CNIH3: variants seen among roughly 807,000 people sequenced by gnomAD.
CNIH3 encodes protein cornichon homolog 3.
CNIH3 carries 14 observed loss-of-function variants against 24.1 expected under a neutral mutation model. The ratio of observed to expected loss-of-function variants is 0.58; its 90% CI spans 0.38 to 0.91. The LOEUF is 0.91. Among genes scored for constraint, CNIH3 ranks in the 40% least tolerant of loss-of-function variants. The pLI is 0.00. For synonymous variants in CNIH3, 68 were observed against 73.8 expected, an observed-to-expected ratio of 0.92 and a Z score of 0.40; for missense variants, 178 against 196.8, an observed-to-expected ratio of 0.90 and a Z score of 0.57.
chr1:224,650,440 AT>A (rs1684809079), intron 1 of CNIH3, among the ~76,000 whole-genome samples: 1 of 152,218 alleles, frequency 6.6e-6, no homozygotes, highest in Non-Finnish European at 1.5e-5. Context: ...GGAGGCCAAC[AT>A]GCAAATTTAT....
At chr1:224,527,955 A>C (rs1678910165) in intron 2 of CNIH3, among the ~76,000 whole-genome samples, 1 of 152,252 alleles carries the variant, frequency 6.6e-6, no homozygotes. Context: ...ATGTACACAC[A>C]CATAAGAGTT....
intron 3 of CNIH3, among the ~76,000 whole-genome samples, chr1:224,553,235 C>T (rs1410544183): frequency 2.0e-5 from 3 of 149,784 alleles, no homozygotes. Flanking sequence ...AATATATCTC[C>T]CTTAGATATT....
intron 3 of CNIH3, among the ~76,000 whole-genome samples, chr1:224,564,354 A>G (rs2124988926): frequency 6.6e-6 from 1 of 152,354 alleles, no homozygotes; most frequent in East Asian, 1.9e-4. Context: ...TTTAGCTCTA[A>G]CCATGACATG....
downstream of CNIH3, among the ~76,000 whole-genome samples, chr1:224,542,568 G>A (rs1476226265): frequency 6.6e-6 from 1 of 152,078 alleles, no homozygotes; most frequent in African/African-American, 2.4e-5. Flanking sequence ...AGAGTACTTG[G>A]TAGAAAATAG....
chr1:224,729,819 C>G (rs1689228058), intron 3 of CNIH3, among the ~76,000 whole-genome samples: 1 of 152,160 alleles, frequency 6.6e-6, no homozygotes, highest in Non-Finnish European at 1.5e-5. Context: ...TTCCCACCAT[C>G]AGGCCTTTCT....
chr1:224,481,072 G>A (rs765326134), intron 1 of CNIH3, among the ~76,000 whole-genome samples: 5 of 152,234 alleles, frequency 3.3e-5, no homozygotes, highest in Admixed American at 1.3e-4. Flanking sequence ...GACAATCATC[G>A]CAGAAGGCGA....
chr1:224,508,823 CTTTG>C (rs1488248238), intron 1 of CNIH3, among the ~76,000 whole-genome samples: 2 of 152,160 alleles, frequency 1.3e-5, no homozygotes, highest in Non-Finnish European at 2.9e-5. Context: ...GCCAATGAGA[CTTTG>C]TTTATTAAAC....
chr1:224,643,695 G>C (rs1313351020), intron 1 of CNIH3, among the ~76,000 whole-genome samples: 1 of 152,062 alleles, frequency 6.6e-6, no homozygotes, highest in Non-Finnish European at 1.5e-5. Context: ...TGGGCAAAAA[G>C]GAAAAAAAGT....
At chr1:224,695,701 T>C (rs946799506) in intron 3 of CNIH3, among the ~76,000 whole-genome samples, 4 of 152,192 alleles carry the variant, frequency 2.6e-5, no homozygotes, top group African/African-American at 9.7e-5. Flanking sequence ...ACCACTGCCC[T>C]AGGGGCCAAT....
At chr1:224,514,683 T>G (rs1678305889), upstream of CNIH3, among the ~76,000 whole-genome samples, 1 of 151,842 alleles carries the variant, frequency 6.6e-6, no homozygotes. Flanking sequence ...ATACAAAAAT[T>G]AACTGGGTGT....
intron 1 of CNIH3, among the ~76,000 whole-genome samples, chr1:224,656,700 G>A (rs902383950): frequency 1.3e-5 from 2 of 152,174 alleles, no homozygotes; most frequent in African/African-American, 2.4e-5. Flanking sequence ...CTTGTGGCTG[G>A]TCTTCAGCCT....
chr1:224,697,011 G>GA (rs1687210344), intron 3 of CNIH3, among the ~76,000 whole-genome samples: 1 of 152,234 alleles, frequency 6.6e-6, no homozygotes, highest in African/African-American at 2.4e-5. Context: ...CATGGTGTCA[G>GA]ATGCATGTTA....
chr1:224,588,356 C>T (rs918569538), intron 5 of CNIH3: 2 of 152,146 alleles, frequency 1.3e-5, no homozygotes, highest in Non-Finnish European at 2.9e-5. Context: ...TCTGGATTTT[C>T]TTAGGGCCTT....
chr1:224,702,414 A>ATT (rs1052857750), intron 3 of CNIH3, among the ~76,000 whole-genome samples: 33 of 152,312 alleles, frequency 2.2e-4, no homozygotes, highest in African/African-American at 7.9e-4. Flanking sequence ...AAATTGTCAG[A>ATT]TTACTTTCTC....
chr1:224,616,741 TCTC>T lies in CNIH3; in HGVS notation c.-430_-428del, dbSNP rs1454219979. 21 of 1,003,054 alleles carry T rather than the reference TCTC, an allele frequency of 2.1e-5. No individual in the cohort carries two copies. Among genetic ancestry groups the T allele is most frequent in the Non-Finnish European group, 2.5e-5 (21 of 841,962 alleles). The allele number at this position is 1,003,054 out of a possible 1,614,324, so 62.1% of individuals were successfully genotyped here. A position where few individuals can be genotyped will look rare whatever the true frequency, so the allele number is the denominator to read the frequency against. ...GAGGGTCCGGAGCGGAGCGCTCGTC[TCTC>T]CTCAGCGGTTTAGTGGAGAAAAGCA... On this transcript the variant is annotated 5_prime_UTR_variant, in exon 1 of 6. Transcript: ENST00000272133.
chr1:224,461,602 A>G (rs971777089), intron 1 of CNIH3, among the ~76,000 whole-genome samples: 21 of 152,206 alleles, frequency 1.4e-4, no homozygotes, highest in African/African-American at 4.1e-4. Flanking sequence ...TGATTTCTTC[A>G]GTTACCATAG....
chr1:224,607,723 T>C (rs955541186), intron 3 of CNIH3, among the ~76,000 whole-genome samples: 31 of 152,256 alleles, frequency 2.0e-4, no homozygotes, highest in Non-Finnish European at 1.6e-4. Flanking sequence ...AGGGTAAAAG[T>C]CTCGGGGCCT....
chr1:224,657,278 C>T (rs1365176883), intron 1 of CNIH3, among the ~76,000 whole-genome samples: 1 of 151,998 alleles, frequency 6.6e-6, no homozygotes, highest in Admixed American at 6.6e-5. Flanking sequence ...GAGCCAAAAC[C>T]CCGAAGCCAA....
chr1:224,476,293 C>T (rs1279192322), intron 1 of CNIH3, among the ~76,000 whole-genome samples: 1 of 152,136 alleles, frequency 6.6e-6, no homozygotes, highest in East Asian at 1.9e-4. Flanking sequence ...TCAAATTAGC[C>T]TTGTTTGCAG....
Sources: allele counts gnomAD v4.1 joint callset (sites outside exome capture counted in the v4.1 genomes callset), GRCh38; gene constraint gnomAD v4.1.1; transcripts MANE v1.5; gene names NCBI Gene and HGNC (gene_info 2026-07-23, HGNC 2026-07-21).